Variants in GRIK1 observed in about 807,000 individuals in gnomAD.
GRIK1 encodes the protein glutamate receptor ionotropic, kainate 1.
A neutral mutation model predicts 105.7 loss-of-function variants in GRIK1; 69 were observed. That is an observed-to-expected ratio of 0.65 (90% CI 0.54 to 0.80). The LOEUF (loss-of-function observed/expected upper bound fraction) is 0.80. Ranked by LOEUF, GRIK1 falls within the 30% of genes least tolerant of loss-of-function variation. GRIK1 has a pLI of 0.00. For synonymous variants in GRIK1, 438 were observed against 431.3 expected (o/e 1.02, Z -0.19); for missense variants, 1,109 against 1,167.3 (o/e 0.95, Z 0.73).
chr21:29,925,920 A>T (rs2071354345), intron 1 of GRIK1, among the ~76,000 whole-genome samples: 2 of 152,156 alleles, frequency 1.3e-5, no homozygotes, highest in East Asian at 3.9e-4. Flanking sequence ...TTTCCAGTTA[A>T]ATTAGGATAA....
chr21:29,855,675 G>T (rs2068441007), intron 1 of GRIK1, among the ~76,000 whole-genome samples: 2 of 152,186 alleles, frequency 1.3e-5, no homozygotes, highest in African/African-American at 4.8e-5. Context: ...TAGGGATAGG[G>T]GTTGAGAATA....
chr21:29,636,355 C>T (rs1010862360), intron 7 of GRIK1, among the ~76,000 whole-genome samples: 1 of 152,128 alleles, frequency 6.6e-6, no homozygotes, highest in Non-Finnish European at 1.5e-5. Flanking sequence ...GAGATTTGCC[C>T]AGATCATTCT....
chr21:29,750,315 A>G (rs1186092051), intron 1 of GRIK1, among the ~76,000 whole-genome samples: 1 of 130,686 alleles, frequency 7.7e-6, no homozygotes. Flanking sequence ...CTGAATATGT[A>G]CCTACTCTAC....
chr21:29,631,377 G>A (rs1032463985), intron 7 of GRIK1, among the ~76,000 whole-genome samples: 2 of 152,192 alleles, frequency 1.3e-5, no homozygotes, highest in African/African-American at 4.8e-5. Context: ...TGTAAGAAGA[G>A]ACATACAGCA....
chr21:29,796,673 G>T (rs2066566070), intron 1 of GRIK1, among the ~76,000 whole-genome samples: 1 of 152,116 alleles, frequency 6.6e-6, no homozygotes, highest in African/African-American at 2.4e-5. Context: ...TTTGGGATGG[G>T]TGAGGTAGCT....
At chr21:29,774,921 C>T (rs533828651) in intron 1 of GRIK1, among the ~76,000 whole-genome samples, 1 of 152,112 alleles carries the variant, frequency 6.6e-6, no homozygotes, top group African/African-American at 2.4e-5. Flanking sequence ...ACAAGGGGAT[C>T]CACATTTTCA....
At chr21:29,895,757 T>C (rs2070124333) in intron 1 of GRIK1, among the ~76,000 whole-genome samples, 1 of 152,204 alleles carries the variant, frequency 6.6e-6, no homozygotes, top group South Asian at 2.1e-4. Flanking sequence ...ATCAGACGTA[T>C]AAGATTTTGA....
At position 29,939,906 on chromosome 21, in the gene GRIK1, G is replaced by C. The variant is rs2071919099; in HGVS notation, c.-406C>G. ...AGGCACAGACAGAGGAGGGAAAAGG[G>C]GGAAAGAAGACTAACGAAGAAGGAG... On this transcript the variant is annotated 5_prime_UTR_variant, in exon 1 of 18. Transcript: ENST00000327783. The C allele has an allele frequency of 6.2e-6, 1 of 162,570 alleles. No individual in the cohort carries two copies. 10.1% of individuals were successfully genotyped at this position (162,570 alleles called of 1,614,324 possible).
At chr21:29,829,705 A>C (rs1365176363) in intron 1 of GRIK1, among the ~76,000 whole-genome samples, 2 of 152,144 alleles carry the variant, frequency 1.3e-5, no homozygotes, top group Admixed American at 1.3e-4. Context: ...GCCTGATAGA[A>C]TCCAATGCTA....
chr21:29,933,861 C>T (rs139281448), intron 1 of GRIK1, among the ~76,000 whole-genome samples: 84 of 152,228 alleles, frequency 5.5e-4, no homozygotes, highest in Admixed American at 4.3e-3. Flanking sequence ...TTCTTCTAGT[C>T]TAAATACCTT....
intron 1 of GRIK1, among the ~76,000 whole-genome samples, chr21:29,794,664 C>T (rs2066508522): frequency 6.6e-6 from 1 of 152,122 alleles, no homozygotes. Context: ...TTTTTATGTA[C>T]TGATTTTTCC....
intron 3 of GRIK1, 42 bp from the exon 4 acceptor site, chr21:29,673,206 C>A: frequency 1.5e-6 from 2 of 1,354,080 alleles, no homozygotes; most frequent in Admixed American, 1.8e-5. Context: ...ACTGTTCTGT[C>A]GACAGAGTAT....
At chr21:29,758,468 C>G (rs1398005952) in intron 1 of GRIK1, among the ~76,000 whole-genome samples, 3 of 152,138 alleles carry the variant, frequency 2.0e-5, no homozygotes, top group Non-Finnish European at 2.9e-5. Context: ...ATGAGAACAG[C>G]ACGGGAAAGA....
chr21:29,595,845 C>T (rs184000019), intron 9 of GRIK1, among the ~76,000 whole-genome samples: 1 of 152,276 alleles, frequency 6.6e-6, no homozygotes, highest in Non-Finnish European at 1.5e-5. Context: ...TTACATAAAT[C>T]TATGCACATT....
At chr21:29,939,248 C>T in intron 1 of GRIK1, 135 bp downstream of exon 1, 1 of 607,370 alleles carries the variant, frequency 1.6e-6, no homozygotes, top group South Asian at 1.9e-5. Flanking sequence ...TGTAGCCTCC[C>T]ATGAGCACTG....
intron 1 of GRIK1, among the ~76,000 whole-genome samples, chr21:29,732,140 T>G (rs1601553059): frequency 6.6e-6 from 1 of 152,208 alleles, no homozygotes; most frequent in Non-Finnish European, 1.5e-5. Flanking sequence ...CGTTTGGATT[T>G]CTACCTAAAG....
rs1356263472 is a variant in GRIK1, at chr21:29,548,722, A to G, written c.2607+6330T>C. ...TTGCCACAGATGGCTCATACAGAAC[A>G]TAATATAATATCAGTCAAATGCAGT... is the stretch of plus-strand genomic sequence containing the variant. On this transcript the variant is annotated intron_variant, in intron 16 of 17. Transcript: ENST00000327783. Among the ~76,000 whole-genome samples, 3 of 152,232 alleles carry G rather than the reference A, an allele frequency of 2.0e-5. No homozygotes were observed. The East Asian group carries it at 5.8e-4, about 29-fold the overall frequency.
intron 1 of GRIK1, among the ~76,000 whole-genome samples, chr21:29,888,024 A>G (rs192470843): frequency 2.0e-5 from 3 of 151,600 alleles, no homozygotes; most frequent in Non-Finnish European, 4.4e-5. Flanking sequence ...CCAACTCCCC[A>G]AAAGCTAGAA....
intron 4 of GRIK1, among the ~76,000 whole-genome samples, chr21:29,666,666 C>A (rs921562164): frequency 3.3e-5 from 5 of 152,164 alleles, no homozygotes; most frequent in African/African-American, 1.2e-4. Flanking sequence ...ACCACATTCT[C>A]TACTGGGCCA....
Sources: allele counts gnomAD v4.1 joint callset (sites outside exome capture counted in the v4.1 genomes callset), GRCh38; gene constraint gnomAD v4.1.1; transcripts MANE v1.5; gene names NCBI Gene and HGNC (gene_info 2026-07-23, HGNC 2026-07-21).